Variants in YIPF6 observed in about 807,000 individuals in gnomAD.
The protein encoded by YIPF6 is protein YIPF6.
A neutral mutation model predicts 16.8 loss-of-function variants in YIPF6; 3 were observed. The observed-to-expected ratio is 0.18, with a 90% CI of 0.08 to 0.46. The LOEUF is 0.46. Ranked by LOEUF, YIPF6 falls within the 20% of genes least tolerant of loss-of-function variation. The probability of loss-of-function intolerance (pLI) is 0.98; values close to 1 mark genes in which losing one functional copy is unlikely to be tolerated. For synonymous variants in YIPF6, 67 were observed against 61.9 expected, an observed-to-expected ratio of 1.08 and a Z score of -0.38; for missense variants, 145 against 184.9, an observed-to-expected ratio of 0.78 and a Z score of 1.25.
intron 1 of YIPF6, among the ~76,000 whole-genome samples, chrX:68,503,792 AT>A (rs2079049790): frequency 8.9e-6 from 1 of 112,111 alleles, no homozygotes; most frequent in African/African-American, 3.2e-5. Context: ...GCTCAGGTTT[AT>A]TTCTTTTTTG....
At chrX:68,518,902 T>C (rs2079114716) in intron 4 of YIPF6, 90 bp downstream of exon 4, 1 of 915,457 alleles carries the variant, frequency 1.1e-6, no homozygotes, top group African/African-American at 2.0e-5. Flanking sequence ...TGATTGAATA[T>C]TTCATTTAGG....
intron 2 of YIPF6, among the ~76,000 whole-genome samples, chrX:68,512,257 C>T (rs1469332480): frequency 9.0e-6 from 1 of 110,501 alleles, no homozygotes; most frequent in East Asian, 2.9e-4. Context: ...CTCAGGAGTT[C>T]GAGACCAACC....
intron 1 of YIPF6, 88 bp downstream of exon 1, chrX:68,499,211 C>T (rs1298038636): frequency 9.3e-7 from 1 of 1,073,338 alleles, no homozygotes. Context: ...GGCCTGAGAG[C>T]CGGAGCTCCT....
intron 2 of YIPF6, among the ~76,000 whole-genome samples, chrX:68,512,309 A>G (rs2079084234): frequency 9.1e-6 from 1 of 110,273 alleles, no homozygotes; most frequent in East Asian, 2.9e-4. Flanking sequence ...AAAAATACAA[A>G]GATTAGCCAG....
chrX:68,524,252 T>G (rs1310514609), intron 6 of YIPF6, among the ~76,000 whole-genome samples: 3 of 110,525 alleles, frequency 2.7e-5, no homozygotes. Flanking sequence ...CACTGTAACC[T>G]CCACCTCCTG....
At position 68,518,810 on chromosome X, in the gene YIPF6, A is replaced by T; in HGVS notation, c.306A>T (p.Ala102=). 1 of 1,179,075 alleles carries T rather than the reference A, an allele frequency of 8.5e-7. No homozygotes were observed. The highest frequency in any genetic ancestry group is 1.1e-6 in the Non-Finnish European group (1 of 883,259). Residue 102 remains alanine (A), a splice_region_variant and synonymous_variant, in exon 4 of 7, where the codon GCA becomes GCT. Transcript: ENST00000462683. ...WGPLILCVTL[A]LMLQRDSADS... is the part of the protein sequence containing the mutation. ...CTTTGATCCTTTGTGTGACACTCGC[A>T]TTGTAAGTACTTGCATTTTCTTTCT...
chrX:68,524,739 T>C (rs781144363), intron 6 of YIPF6, among the ~76,000 whole-genome samples: 9 of 109,661 alleles, frequency 8.2e-5, no homozygotes, highest in Non-Finnish European at 1.5e-4. Context: ...GTTCTCATTG[T>C]TCAACCCCCA....
At chrX:68,518,864 T>G in intron 4 of YIPF6, 52 bp downstream of exon 4, 1 of 1,087,430 alleles carries the variant, frequency 9.2e-7, no homozygotes, top group Non-Finnish European at 1.2e-6. Context: ...TAGACTTTTT[T>G]GTGGATTTCC....
chrX:68,520,502 C>T (rs1469288616), intron 4 of YIPF6, among the ~76,000 whole-genome samples: 2 of 111,514 alleles, frequency 1.8e-5, no homozygotes, highest in Non-Finnish European at 3.8e-5. Flanking sequence ...TTGAGGCAGT[C>T]TCACTCAGTT....
At position 68,508,674 on chromosome X, in the gene YIPF6, C is replaced by G. The variant is rs1431396486; in HGVS notation, c.58-3175C>G. 9.8e-5 allele frequency among the ~76,000 whole-genome samples: 11 copies of G among 112,175 alleles called. No individual in the cohort carries two copies. The East Asian group carries it at 3.1e-3, about 32-fold the overall frequency. On this transcript the variant is annotated intron_variant, in intron 1 of 6. Coordinates refer to ENST00000462683, the MANE Select transcript of YIPF6 (RefSeq NM_173834.4). Reference sequence around the variant, plus strand: ...TTCTAGCATTGCCATCTGATTCTTACAGTTTCCATCTCTTTGCAGAAATTC... The same window carrying G: ...TTCTAGCATTGCCATCTGATTCTTAGAGTTTCCATCTCTTTGCAGAAATTC...
chrX:68,505,492 T>A (rs1377520923), intron 1 of YIPF6, among the ~76,000 whole-genome samples: 1 of 112,194 alleles, frequency 8.9e-6, no homozygotes, highest in Non-Finnish European at 1.9e-5. Flanking sequence ...TCCTTGTATT[T>A]CTTGATTATG....
intron 1 of YIPF6, 63 bp from the exon 2 acceptor site, chrX:68,511,786 G>T (rs901455622): frequency 8.9e-6 from 10 of 1,127,295 alleles, no homozygotes; most frequent in Middle Eastern, 2.5e-4. Context: ...AGGAAATGAT[G>T]ATATATATGA....
intron 6 of YIPF6, among the ~76,000 whole-genome samples, chrX:68,529,900 A>C (rs753897922): frequency 4.1e-4 from 46 of 111,487 alleles, no homozygotes; most frequent in Non-Finnish European, 8.1e-4. Flanking sequence ...CTCCTGTATG[A>C]GGTGTCCGTC....
intron 4 of YIPF6, among the ~76,000 whole-genome samples, chrX:68,520,227 G>A (rs1330650564): frequency 8.9e-6 from 1 of 112,465 alleles, no homozygotes; most frequent in Non-Finnish European, 1.9e-5. Flanking sequence ...GACTTACAGT[G>A]TGACTTCTCT....
intron 6 of YIPF6, among the ~76,000 whole-genome samples, chrX:68,527,582 T>C (rs1385359179): frequency 8.9e-6 from 1 of 112,114 alleles, no homozygotes; most frequent in Non-Finnish European, 1.9e-5. Context: ...GTTTTAGATC[T>C]TTCCCGCTTT....
chrX:68,522,551 C>G (rs192048538), intron 5 of YIPF6, among the ~76,000 whole-genome samples: 2 of 110,487 alleles, frequency 1.8e-5, no homozygotes, highest in African/African-American at 3.3e-5. Flanking sequence ...TCCACCCCCC[C>G]ACCCTTGGCC....
At position 68,522,673 on chromosome X, in the gene YIPF6, G is replaced by A. The variant is rs764431812; in HGVS notation, c.435-87G>A. ...TGTACCAAGAAGGAGGCAACATTCC[G>A]TTACATAGAGAAATCTATGTAATAA... On this transcript the variant is annotated intron_variant, in intron 5 of 6. Transcript: ENST00000462683. The A allele has an allele frequency of 4.0e-4, 356 of 894,401 alleles. No individual in the cohort carries two copies. In the African/African-American group the frequency reaches 6.3e-3, roughly 16 times the overall value. 73.7% of individuals were successfully genotyped at this position (894,401 alleles called of 1,213,427 possible).
intron 6 of YIPF6, among the ~76,000 whole-genome samples, chrX:68,526,132 C>G (rs2147825964): frequency 9.0e-6 from 1 of 111,612 alleles, no homozygotes; most frequent in East Asian, 2.8e-4. Flanking sequence ...GAATGTTTTT[C>G]CATTTGTTTG....
intron 6 of YIPF6, among the ~76,000 whole-genome samples, chrX:68,531,030 C>T (rs1191019886): frequency 9.0e-6 from 1 of 111,419 alleles, no homozygotes; most frequent in Non-Finnish European, 1.9e-5. Flanking sequence ...CTCTTGGCTT[C>T]AAGCAGTTCT....
Sources: allele counts gnomAD v4.1 joint callset (sites outside exome capture counted in the v4.1 genomes callset), GRCh38; gene constraint gnomAD v4.1.1; transcripts MANE v1.5; gene names NCBI Gene and HGNC (gene_info 2026-07-23, HGNC 2026-07-21).